Variants in CCL17 observed in about 807,000 individuals in gnomAD.
The protein encoded by CCL17 is C-C motif chemokine ligand 17.
In CCL17, 8 loss-of-function variants were observed where a neutral mutation model predicts 7.4. The ratio of observed to expected loss-of-function variants is 1.09; its 90% CI spans 0.64 to 1.96. The LOEUF is 1.96. Among genes scored for constraint, CCL17 ranks in the 30% most tolerant of loss-of-function variants. The pLI is 0.00. For synonymous variants in CCL17, 40 were observed against 46.1 expected, an observed-to-expected ratio of 0.87 and a Z score of 0.54; for missense variants, 102 against 113.0, an observed-to-expected ratio of 0.90 and a Z score of 0.44.
At position 57,415,963 on chromosome 16, in the gene CCL17, C is replaced by A; in HGVS notation, c.*102C>A. 1 of 728,830 alleles carries A rather than the reference C, an allele frequency of 1.4e-6. No individual in the cohort carries two copies. Among genetic ancestry groups the A allele is most frequent in the Non-Finnish European group, 2.4e-6 (1 of 410,784 alleles). The allele number at this position is 728,830 out of a possible 1,614,324, so 45.1% of individuals were successfully genotyped here. A position where few individuals can be genotyped will look rare whatever the true frequency, so the allele number is the denominator to read the frequency against. ...CCTGAGCGCCTGGGTCCAGGGGAGG[C>A]CTTCCAGGGACGAAGAAGAGCCACA... On this transcript the variant is annotated 3_prime_UTR_variant, in exon 4 of 4. Coordinates refer to ENST00000219244, the MANE Select transcript of CCL17 (RefSeq NM_002987.3). This position sits in a 1 kb window ranked among gnomAD's most constrained non-coding sequence, Gnocchi z 4.5.
chr16:57,415,916 C>A lies in CCL17; in HGVS notation c.*55C>A, dbSNP rs1902863168. 2 of 1,221,742 alleles carry A rather than the reference C, an allele frequency of 1.6e-6. No individual in the cohort carries two copies. The highest frequency in any genetic ancestry group is 2.4e-6 in the Non-Finnish European group (2 of 825,090). 75.7% of individuals were successfully genotyped at this position (1,221,742 alleles called of 1,614,324 possible). On this transcript the variant is annotated 3_prime_UTR_variant, in exon 4 of 4. Coordinates refer to ENST00000219244, the MANE Select transcript of CCL17 (RefSeq NM_002987.3). The surrounding 1 kb of genome is among the most constrained non-coding windows in gnomAD (Gnocchi z 4.5). ...TCCCGGGACTACCTGGGACCTCCAC[C>A]GTTGGTGTTCACCGCCCCCACCCTG...
At chr16:57,397,187 C>T in the CCL17 span, among the ~76,000 whole-genome samples, 1 of 152,180 alleles carries the variant, frequency 6.6e-6, no homozygotes, top group African/African-American at 2.4e-5. Flanking sequence ...TTACGATGGG[C>T]CAAGGGATTA....
intron 1 of CCL17, among the ~76,000 whole-genome samples, chr16:57,411,638 C>T (rs1432994732): frequency 4.6e-5 from 7 of 152,222 alleles, no homozygotes; most frequent in Non-Finnish European, 1.5e-5. Context: ...GTGGAGCCCC[C>T]ACAAGAGGGC....
chr16:57,414,103 AC>A, intron 2 of CCL17, 101 bp downstream of exon 2: 1 of 803,590 alleles, frequency 1.2e-6, no homozygotes. Flanking sequence ...TATTATTTAC[AC>A]CCCACCTACT....
chr16:57,415,036 A>ACGCAGACACT lies in CCL17; in HGVS notation c.71-43_71-34dup. On this transcript the variant is annotated intron_variant, in intron 2 of 3. Coordinates refer to ENST00000219244, the MANE Select transcript of CCL17 (RefSeq NM_002987.3). The surrounding 1 kb of genome is among the most constrained non-coding windows in gnomAD (Gnocchi z 4.5). ...CCCCCCAGAGGTCCCCGCAACACAC[A>ACGCAGACACT]CGCAGACACTCACAGACACCCCTGC... 1 of 1,294,410 alleles carries ACGCAGACACT rather than the reference A, an allele frequency of 7.7e-7. No homozygotes were observed. The allele number at this position is 1,294,410 out of a possible 1,614,324, so 80.2% of individuals were successfully genotyped here. A position where few individuals can be genotyped will look rare whatever the true frequency, so the allele number is the denominator to read the frequency against.
At position 57,407,748 on chromosome 16, in the gene CCL17, T is replaced by TCATCCATCCATC. The variant is rs373568401; in HGVS notation, c.-60+2923_-60+2934dup. On this transcript the variant is annotated intron_variant, in intron 1 of 3. Transcript: ENST00000219244. ...ATTCATCCATCCTTCCATCCATCCA[T>TCATCCATCCATC]CATCCATCCATCCATCCATCCACCC... 6.7e-3 allele frequency among the ~76,000 whole-genome samples: 1,014 copies of TCATCCATCCATC among 151,748 alleles called. 15 individuals are homozygous for TCATCCATCCATC. The highest frequency in any genetic ancestry group is 0.023 in the African/African-American group (957 of 41,364).
upstream of CCL17, among the ~76,000 whole-genome samples, chr16:57,401,199 A>G (rs1171764557): frequency 6.6e-6 from 1 of 152,146 alleles, no homozygotes; most frequent in Non-Finnish European, 1.5e-5. Flanking sequence ...GTATAGATAC[A>G]AGATGATGGT....
upstream of CCL17, among the ~76,000 whole-genome samples, chr16:57,401,328 A>T (rs1233384611): frequency 1.3e-5 from 2 of 152,112 alleles, no homozygotes; most frequent in Non-Finnish European, 2.9e-5. Flanking sequence ...GTTTGAGACC[A>T]GCCTGGCCAA....
At chr16:57,400,135 G>A (rs961357314), upstream of CCL17, among the ~76,000 whole-genome samples, 10 of 152,242 alleles carry the variant, frequency 6.6e-5, no homozygotes, top group South Asian at 2.1e-4. Context: ...GGAGGTGGGC[G>A]GATCACGAGG....
upstream of CCL17, among the ~76,000 whole-genome samples, chr16:57,404,402 T>C (rs1199591486): frequency 3.3e-5 from 5 of 151,760 alleles, no homozygotes; most frequent in East Asian, 1.9e-4. Context: ...ACCCAACAGA[T>C]GGGAAGTTGG....
At chr16:57,403,745 C>T (rs4784803), upstream of CCL17, among the ~76,000 whole-genome samples, 1,135 of 137,726 alleles carry the variant, frequency 8.2e-3, 35 homozygotes, top group East Asian at 0.08. Flanking sequence ...CAACCTCTGC[C>T]TCCTGGGTTC....
At position 57,415,357 on chromosome 16, in the gene CCL17, G is replaced by A. The variant is rs1389067013; in HGVS notation, c.188+159G>A. Among the ~76,000 whole-genome samples, 4 of 152,226 alleles carry A rather than the reference G, an allele frequency of 2.6e-5. No individual in the cohort carries two copies. Among genetic ancestry groups the A allele is most frequent in the African/African-American group, 7.2e-5 (3 of 41,454 alleles). On this transcript the variant is annotated intron_variant, in intron 3 of 3. Coordinates refer to ENST00000219244, the MANE Select transcript of CCL17 (RefSeq NM_002987.3). This position sits in a 1 kb window ranked among gnomAD's most constrained non-coding sequence, Gnocchi z 4.5. ...CCACACTGTGGGACCCAAAAGGGCC[G>A]CAGGCCATGAGGTCCAACCTATTCC...
At chr16:57,400,315 C>T (rs571092810), upstream of CCL17, among the ~76,000 whole-genome samples, 8 of 151,894 alleles carry the variant, frequency 5.3e-5, no homozygotes, top group South Asian at 2.1e-4. Context: ...GCTGATATTG[C>T]GCCACTGCAC....
chr16:57,412,236 C>T (rs985502082), intron 1 of CCL17, among the ~76,000 whole-genome samples: 6 of 152,158 alleles, frequency 3.9e-5, no homozygotes, highest in Admixed American at 2.6e-4. Flanking sequence ...GGATGCTGCC[C>T]ACAGAAAGAT....
At chr16:57,404,416 C>G (rs571692533), upstream of CCL17, among the ~76,000 whole-genome samples, 50 of 151,942 alleles carry the variant, frequency 3.3e-4, no homozygotes, top group African/African-American at 1.2e-3. Context: ...AAGTTGGGGG[C>G]GAGAGGAAGA....
intron 1 of CCL17, among the ~76,000 whole-genome samples, chr16:57,411,090 C>G (rs1482814026): frequency 6.6e-6 from 1 of 152,206 alleles, no homozygotes; most frequent in Non-Finnish European, 1.5e-5. Context: ...CAGTATGAAT[C>G]TTATCTACAA....
chr16:57,402,069 C>G (rs914672564), upstream of CCL17, among the ~76,000 whole-genome samples: 5 of 152,218 alleles, frequency 3.3e-5, no homozygotes, highest in Non-Finnish European at 7.3e-5. Context: ...GGCGAAAGCC[C>G]CACAGTGCAG....
intron 1 of CCL17, among the ~76,000 whole-genome samples, chr16:57,406,122 G>A (rs916952610): frequency 2.6e-4 from 39 of 152,224 alleles, no homozygotes; most frequent in African/African-American, 9.1e-4. Context: ...GTTGCTTGAG[G>A]CAAAAACAAA....
At chr16:57,408,421 A>AT (rs1315217006) in intron 1 of CCL17, among the ~76,000 whole-genome samples, 1 of 136,166 alleles carries the variant, frequency 7.3e-6, no homozygotes. Flanking sequence ...AAACATATAT[A>AT]TATTTTTTGA....
Sources: allele counts gnomAD v4.1 joint callset (sites outside exome capture counted in the v4.1 genomes callset), GRCh38; gene constraint gnomAD v4.1.1; non-coding constraint Gnocchi (gnomAD v3.1); transcripts MANE v1.5; gene names NCBI Gene and HGNC (gene_info 2026-07-23, HGNC 2026-07-21).